Variants in BAZ1B observed in about 807,000 individuals in gnomAD.
BAZ1B encodes the protein tyrosine-protein kinase BAZ1B.
In BAZ1B, 22 loss-of-function variants were observed where a neutral mutation model predicts 153.8. The observed-to-expected ratio is 0.14, with a 90% CI of 0.10 to 0.20. BAZ1B has a LOEUF of 0.20. Ranked by LOEUF, BAZ1B falls within the 10% of genes least tolerant of loss-of-function variation. The pLI is 1.00. For missense variants in BAZ1B, 1,325 were observed against 1,799.3 expected (o/e 0.74, Z 4.77); for synonymous variants, 676 against 633.4 (o/e 1.07, Z -1.01).
In BAZ1B at chr7:73,465,520, T is replaced by C; in HGVS notation, c.2990A>G (p.Gln997Arg). 6.2e-7 allele frequency: 1 copy of C among 1,608,850 alleles called. No individual in the cohort carries two copies. Among genetic ancestry groups the C allele is most frequent in the East Asian group, 2.2e-5 (1 of 44,736 alleles). ...GQNLWFLCDS[Q>R]KELDELLNCL... ...GTTTAGCAACTCATCCAGCTCCTTT[T>C]GACTATCACATAAAAACCTGTAGGG... is the stretch of plus-strand genomic sequence containing the variant. The change falls in exon 11 of 20, where the codon CAA (glutamine) becomes CGA (arginine). Residue 997 changes from glutamine to arginine, a missense_variant. Gln to Arg is a conservative substitution (Grantham distance 43). Around this residue, in one of 9 missense-constraint regions of BAZ1B, gnomAD observed 431 missense variants for 563.5 expected, o/e 0.76. Coordinates refer to ENST00000339594, the MANE Select transcript of BAZ1B (RefSeq NM_032408.4).
Position 73,459,667 on chromosome 7 carries a change from G to C in BAZ1B, c.3301C>G (p.Gln1101Glu). Residue 1101 changes from glutamine to glutamate, a missense_variant, in exon 13 of 20, where the codon CAG (glutamine) becomes GAG (glutamate). This residue lies in a region of BAZ1B where 431 missense variants were observed against 563.5 expected (regional missense o/e 0.76). Transcript: ENST00000339594. ...AGAAATTTCTTTATGACACTGGCCT[G>C]AAGGGCAATCACACACTCACCAAAA... ...KDFGECVIALQASVIKKFLQG... is the reference protein window; with the variant it reads ...KDFGECVIALEASVIKKFLQG... 1 of 1,613,876 alleles carries C rather than the reference G, an allele frequency of 6.2e-7. No individual in the cohort carries two copies. The highest frequency in any genetic ancestry group is 8.5e-7 in the Non-Finnish European group (1 of 1,179,960).
At chr7:73,521,093 G>C (rs1379110335) in intron 1 of BAZ1B, among the ~76,000 whole-genome samples, 1 of 151,956 alleles carries the variant, frequency 6.6e-6, no homozygotes, top group Non-Finnish European at 1.5e-5. Flanking sequence ...AAAACTTCAC[G>C]TCTTGGTTTT....
At chr7:73,449,720 T>C (rs201894029) in intron 14 of BAZ1B, 31 bp from the exon 15 acceptor site, 402 of 1,610,558 alleles carry the variant, frequency 2.5e-4, no homozygotes, top group Non-Finnish European at 1.8e-4. Flanking sequence ...ATAGCATTGT[T>C]GGGAGCACAG....
rs2115654767 is a variant in BAZ1B at position 73,522,060 on chromosome 7, G to A, written c.-127C>T. The stretch of plus-strand genomic sequence containing the variant: ...TGGGGGAAGGGAGGGGTGAGAGGGC[G>A]GCGCGAACTCCGGCTCCCTCACCGC... On this transcript the variant is annotated 5_prime_UTR_variant, in exon 1 of 20. Coordinates refer to ENST00000339594, the MANE Select transcript of BAZ1B (RefSeq NM_032408.4). The A allele has an allele frequency of 1.7e-6, 1 of 593,910 alleles. No individual in the cohort carries two copies. Among genetic ancestry groups the A allele is most frequent in the Non-Finnish European group, 2.5e-6 (1 of 406,182 alleles). 36.8% of individuals were successfully genotyped at this position (593,910 alleles called of 1,614,324 possible).
chr7:73,458,890 T>C (rs1306613753), intron 13 of BAZ1B, among the ~76,000 whole-genome samples: 1 of 151,874 alleles, frequency 6.6e-6, no homozygotes, highest in Non-Finnish European at 1.5e-5. Context: ...AAACCCTGTA[T>C]CTAAAAATTA....
chr7:73,506,912 TCTGTC>T (rs1445275851), intron 3 of BAZ1B, among the ~76,000 whole-genome samples: 9 of 128,494 alleles, frequency 7.0e-5, no homozygotes, highest in Non-Finnish European at 1.5e-4. Flanking sequence ...GGAGTCTTGC[TCTGTC>T]CCCCAGGCTG....
intron 12 of BAZ1B, among the ~76,000 whole-genome samples, chr7:73,462,098 A>G (rs1398978217): frequency 1.3e-5 from 2 of 152,232 alleles, no homozygotes; most frequent in Non-Finnish European, 2.9e-5. Flanking sequence ...TCAGCCAGGC[A>G]TGGTTGCTTG....
Position 73,522,112 on chromosome 7 carries a change from G to A in BAZ1B, c.-179C>T, listed in dbSNP as rs1223145143. ...GGCGCGGCCGCGCGACAGTCATGGA[G>A]CGGAACGCCACGGCGCAGAGCTCCC... On this transcript the variant is annotated 5_prime_UTR_variant, in exon 1 of 20. Transcript: ENST00000339594. 9.6e-6 allele frequency: 4 copies of A among 418,600 alleles called. No individual in the cohort carries two copies. Among genetic ancestry groups the A allele is most frequent in the African/African-American group, 6.2e-5 (3 of 48,778 alleles). 25.9% of individuals were successfully genotyped at this position (418,600 alleles called of 1,614,324 possible).
intron 1 of BAZ1B, among the ~76,000 whole-genome samples, chr7:73,517,818 CCTT>C (rs1302071327): frequency 2.0e-5 from 3 of 152,222 alleles, no homozygotes; most frequent in Non-Finnish European, 2.9e-5. Flanking sequence ...TCAGCTACCT[CCTT>C]ATCACAATAT....
intron 15 of BAZ1B, among the ~76,000 whole-genome samples, chr7:73,448,079 C>T (rs538120514): frequency 1.1e-3 from 169 of 152,224 alleles, no homozygotes; most frequent in Non-Finnish European, 2.0e-3. Context: ...CTGAGGCAGG[C>T]GGATCACCTA....
Position 73,478,422 on chromosome 7 carries a change from T to C in BAZ1B, c.1039A>G (p.Ser347Gly). 6.2e-7 allele frequency: 1 copy of C among 1,612,922 alleles called. No individual in the cohort carries two copies. The highest frequency in any genetic ancestry group is 8.5e-7 in the Non-Finnish European group (1 of 1,179,588). The change falls in exon 7 of 20, where the codon AGT becomes GGT. Residue 347 changes from serine to glycine, a missense_variant. By Grantham distance (56) the Ser-to-Gly change is moderately conservative (BLOSUM62 0). This residue lies in a region of BAZ1B where 219 missense variants were observed against 248.2 expected (regional missense o/e 0.88). Transcript: ENST00000339594. ...WCHVHLKKSLSGSPLKVKNSK... is the reference protein window; with the variant it reads ...WCHVHLKKSLGGSPLKVKNSK... The stretch of plus-strand genomic sequence containing the variant: ...TTCTTCACTTTGAGTGGCGAGCCAC[T>C]CAATGACTTCTTCAAGTGTACGTGA...
intron 4 of BAZ1B, among the ~76,000 whole-genome samples, chr7:73,496,110 G>C (rs1031737940): frequency 6.6e-6 from 1 of 152,116 alleles, no homozygotes; most frequent in Non-Finnish European, 1.5e-5. Flanking sequence ...AACTTAATAG[G>C]AACTATTTCA....
Position 73,495,215 on chromosome 7 carries a change from G to A in BAZ1B, c.572-2294C>T, listed in dbSNP as rs1583934469. On this transcript the variant is annotated intron_variant, in intron 4 of 19. Coordinates refer to ENST00000339594, the MANE Select transcript of BAZ1B (RefSeq NM_032408.4). ...GGAGAATCACTTGAACCCATGAGGC[G>A]AAGGTTGCAGTGAGCCAAGATCGTG... is the stretch of plus-strand genomic sequence containing the variant. Among the ~76,000 whole-genome samples, 5 of 152,294 alleles carry A rather than the reference G, an allele frequency of 3.3e-5. No individual in the cohort carries two copies. The South Asian group carries it at 1.0e-3, about 32-fold the overall frequency.
chr7:73,501,995 A>G (rs891697913), intron 3 of BAZ1B, among the ~76,000 whole-genome samples: 10 of 151,352 alleles, frequency 6.6e-5, no homozygotes, highest in African/African-American at 2.4e-4. Context: ...GGTTCAAGCA[A>G]TTCTCCTGTC....
chr7:73,511,262 T>C (rs1790566492), intron 1 of BAZ1B, among the ~76,000 whole-genome samples: 1 of 151,162 alleles, frequency 6.6e-6, no homozygotes, highest in African/African-American at 2.4e-5. Flanking sequence ...TGCGGCTCCG[T>C]CTCAAAAACT....
At chr7:73,504,435 G>T (rs1282600654) in intron 3 of BAZ1B, among the ~76,000 whole-genome samples, 1 of 151,950 alleles carries the variant, frequency 6.6e-6, no homozygotes, top group South Asian at 2.1e-4. Flanking sequence ...AGGCCGAGGC[G>T]GGTGGATCAC....
At chr7:73,504,051 T>C (rs1790237102) in intron 3 of BAZ1B, among the ~76,000 whole-genome samples, 2 of 152,252 alleles carry the variant, frequency 1.3e-5, no homozygotes, top group South Asian at 4.1e-4. Context: ...TGATAAAGTC[T>C]TCCCCAACTG....
chr7:73,507,975 T>C (rs1790412173), intron 3 of BAZ1B, among the ~76,000 whole-genome samples: 1 of 152,020 alleles, frequency 6.6e-6, no homozygotes, highest in Non-Finnish European at 1.5e-5. Context: ...GCCAAAATGG[T>C]GAAACCCTGT....
intron 1 of BAZ1B, among the ~76,000 whole-genome samples, chr7:73,512,384 CAA>C (rs1299100204): frequency 2.6e-5 from 4 of 151,456 alleles, no homozygotes; most frequent in African/African-American, 9.7e-5. Context: ...CCAATATGGC[CAA>C]AAGATTGGCT....
Sources: allele counts gnomAD v4.1 joint callset (sites outside exome capture counted in the v4.1 genomes callset), GRCh38; gene constraint gnomAD v4.1.1; regional missense constraint gnomAD v4.1.1; transcripts MANE v1.5; gene names NCBI Gene and HGNC (gene_info 2026-07-23, HGNC 2026-07-21).